The following OR1J2 variants were observed in gnomAD, a reference collection of about 807,000 sequenced individuals.
OR1J2 encodes the protein olfactory receptor family 1 subfamily J member 2.
For synonymous variants in OR1J2, 142 were observed against 99.7 expected (o/e 1.42, Z -2.52); for missense variants, 304 against 246.1 (o/e 1.24, Z -1.57).
chr9:122,502,233 C>T, the OR1J2 span, among the ~76,000 whole-genome samples: 1 of 152,194 alleles, frequency 6.6e-6, no homozygotes, highest in Admixed American at 6.5e-5. Context: ...GTGACATTCA[C>T]GTCCTTCATT....
the OR1J2 span, among the ~76,000 whole-genome samples, chr9:122,485,956 A>G: frequency 2.7e-5 from 4 of 147,252 alleles, no homozygotes; most frequent in Non-Finnish European, 6.0e-5. Context: ...CTGTTCCCAC[A>G]TAAGTTTTTT....
chr9:122,475,026 T>C, the OR1J2 span: 1 of 152,194 alleles, frequency 6.6e-6, no homozygotes, highest in South Asian at 2.1e-4. Flanking sequence ...CATTTCTCAT[T>C]CCTGAATAAA....
the OR1J2 span, among the ~76,000 whole-genome samples, chr9:122,527,863 T>C: frequency 1.6e-4 from 25 of 152,350 alleles, no homozygotes; most frequent in Non-Finnish European, 3.1e-4. Flanking sequence ...GTTAGCCACA[T>C]ATATGACAGG....
the OR1J2 span, among the ~76,000 whole-genome samples, chr9:122,572,171 A>G: frequency 3.3e-5 from 5 of 152,168 alleles, no homozygotes; most frequent in Admixed American, 1.3e-4. Context: ...GTGCTAAACC[A>G]TTCATGAGGG....
chr9:122,551,832 G>T, the OR1J2 span, among the ~76,000 whole-genome samples: 1 of 152,032 alleles, frequency 6.6e-6, no homozygotes, highest in African/African-American at 2.4e-5. Flanking sequence ...TTATGCCCGG[G>T]GAAGCTGAAA....
At chr9:122,474,156 A>G in the OR1J2 span, among the ~76,000 whole-genome samples, 3 of 152,298 alleles carry the variant, frequency 2.0e-5, no homozygotes, top group Middle Eastern at 3.4e-3. Flanking sequence ...TCGTCATATT[A>G]TGGCTATTTT....
At chr9:122,553,768 C>T in the OR1J2 span, 1 of 1,614,064 alleles carries the variant, frequency 6.2e-7, no homozygotes, top group Non-Finnish European at 8.5e-7. Context: ...GATCCTAGTG[C>T]TCTCCTGAAG....
At chr9:122,450,276 CA>C in the OR1J2 span, among the ~76,000 whole-genome samples, 1 of 152,010 alleles carries the variant, frequency 6.6e-6, no homozygotes. Context: ...ACTAAAAATA[CA>C]AAAATTAGCT....
chr9:122,533,595 A>G, the OR1J2 span, among the ~76,000 whole-genome samples: 22 of 152,086 alleles, frequency 1.4e-4, no homozygotes, highest in African/African-American at 4.1e-4. Context: ...TAATTTAGTT[A>G]AAGTGTCTCA....
chr9:122,530,095 G>T, the OR1J2 span, among the ~76,000 whole-genome samples: 86 of 152,326 alleles, frequency 5.6e-4, 1 homozygote, highest in Middle Eastern at 0.02. Flanking sequence ...AGGGGGTTAA[G>T]GGAGGGATGG....
upstream of OR1J2, among the ~76,000 whole-genome samples, chr9:122,510,613 C>T (rs1210918336): frequency 5.9e-5 from 9 of 152,040 alleles, no homozygotes; most frequent in Non-Finnish European, 1.2e-4. Flanking sequence ...GCATTAAGCC[C>T]AGAATGCATT....
the OR1J2 span, among the ~76,000 whole-genome samples, chr9:122,483,080 A>G: frequency 6.6e-6 from 1 of 152,232 alleles, no homozygotes; most frequent in Non-Finnish European, 1.5e-5. Flanking sequence ...CAATGTATAT[A>G]TGTATCAAAA....
At chr9:122,510,764 C>A, upstream of OR1J2, 1 of 1,158,540 alleles carries the variant, frequency 8.6e-7, no homozygotes, top group Non-Finnish European at 1.2e-6. Context: ...CTCTAATATT[C>A]TCAAGCATTC....
chr9:122,548,979 T>C, the OR1J2 span, among the ~76,000 whole-genome samples: 53 of 152,202 alleles, frequency 3.5e-4, no homozygotes, highest in African/African-American at 1.2e-3. Context: ...TTAATTTAGT[T>C]CCATTTGTCT....
the OR1J2 span, among the ~76,000 whole-genome samples, chr9:122,495,746 G>A: frequency 6.6e-6 from 1 of 151,918 alleles, no homozygotes; most frequent in Non-Finnish European, 1.5e-5. Context: ...GATCTTTTGG[G>A]GGTGTTAAAG....
At chr9:122,535,824 T>C in the OR1J2 span, among the ~76,000 whole-genome samples, 6 of 152,048 alleles carry the variant, frequency 3.9e-5, no homozygotes, top group Admixed American at 2.0e-4. Flanking sequence ...TGGGTGCAGG[T>C]GGGCTGAGTC....
the OR1J2 span, among the ~76,000 whole-genome samples, chr9:122,455,046 T>C: frequency 1.3e-5 from 2 of 152,258 alleles, no homozygotes; most frequent in Non-Finnish European, 2.9e-5. Flanking sequence ...CCTGTACTAG[T>C]ACTTCATTCC....
the OR1J2 span, among the ~76,000 whole-genome samples, chr9:122,536,429 G>T: frequency 5.9e-5 from 9 of 151,960 alleles, no homozygotes; most frequent in African/African-American, 9.7e-5. Context: ...AAATAAAAAA[G>T]ACATAAAACC....
At chr9:122,467,542 T>C in the OR1J2 span, among the ~76,000 whole-genome samples, 8 of 152,312 alleles carry the variant, frequency 5.3e-5, no homozygotes, top group East Asian at 1.5e-3. Flanking sequence ...AATACCTGTC[T>C]CTTTAAAGGC....
Sources: allele counts gnomAD v4.1 joint callset (sites outside exome capture counted in the v4.1 genomes callset), GRCh38; gene constraint gnomAD v4.1.1; transcripts MANE v1.5; gene names NCBI Gene and HGNC (gene_info 2026-07-23, HGNC 2026-07-21).